The following NLRP8 variants were observed in gnomAD, a reference collection of about 807,000 sequenced individuals.
NLRP8 encodes the protein NACHT, LRR and PYD domains-containing protein 8.
NLRP8 carries 86 observed loss-of-function variants against 88.7 expected under a neutral mutation model. That is an observed-to-expected ratio of 0.97 (90% confidence interval 0.81 to 1.16). The LOEUF (loss-of-function observed/expected upper bound fraction) is 1.16. Ranked by LOEUF, NLRP8 falls within the 50% of genes most tolerant of loss-of-function variation. NLRP8 has a pLI of 0.00. For synonymous variants in NLRP8, 504 were observed against 494.6 expected, an observed-to-expected ratio of 1.02 and a Z score of -0.25; for missense variants, 1,342 against 1,286.5, an observed-to-expected ratio of 1.04 and a Z score of -0.66.
Position 55,973,682 on chromosome 19 carries a change from T to C in NLRP8, c.2565T>C (p.Thr855=), listed in dbSNP as rs1362853049. ...AGAACTGCAACCTTACACAGCTTAC[T>C]TGTGAAAGCCTTGCCTCCTGTCTCA... The change falls in exon 7 of 10, where the codon ACT becomes ACC. Residue 855 remains threonine (T), a synonymous_variant. Coordinates refer to ENST00000291971, the MANE Select transcript of NLRP8 (RefSeq NM_176811.2). 2 of 1,613,692 alleles carry C rather than the reference T, an allele frequency of 1.2e-6. No individual in the cohort carries two copies. Among genetic ancestry groups the C allele is most frequent in the South Asian group, 1.1e-5 (1 of 90,962 alleles).
intron 5 of NLRP8, 69 bp from the exon 6 acceptor site, chr19:55,970,475 A>C (rs1453892579): frequency 1.9e-6 from 3 of 1,540,394 alleles, no homozygotes; most frequent in Middle Eastern, 3.5e-4. Context: ...AGACAGTGGA[A>C]TCCAGGAGGT....
chr19:55,966,689 G>A (rs1358393489), intron 5 of NLRP8, among the ~76,000 whole-genome samples: 2 of 152,012 alleles, frequency 1.3e-5, no homozygotes, highest in African/African-American at 2.4e-5. Flanking sequence ...TGTAATTACG[G>A]GCTGTAATCT....
At chr19:55,952,674 C>G in intron 2 of NLRP8, 62 bp downstream of exon 2, 1 of 1,364,608 alleles carries the variant, frequency 7.3e-7, no homozygotes, top group Non-Finnish European at 1.0e-6. Context: ...GGATGAGCTG[C>G]TCAGTTGCTA....
At chr19:55,976,109 T>C (rs1439272477) in intron 7 of NLRP8, 24 bp from the exon 8 acceptor site, 1 of 1,564,272 alleles carries the variant, frequency 6.4e-7, no homozygotes, top group Non-Finnish European at 8.6e-7. Flanking sequence ...GTTGTTGTTG[T>C]TTTTAACCTG....
At chr19:55,971,664 C>G (rs1438601289) in intron 6 of NLRP8, among the ~76,000 whole-genome samples, 1 of 125,132 alleles carries the variant, frequency 8.0e-6, no homozygotes. Flanking sequence ...CACACACACA[C>G]ACGCACACAC....
At chr19:55,966,867 T>G (rs1480092015) in intron 5 of NLRP8, among the ~76,000 whole-genome samples, 2 of 152,158 alleles carry the variant, frequency 1.3e-5, no homozygotes, top group African/African-American at 4.8e-5. Context: ...ATCCGTCTGA[T>G]ACCAGGAAAT....
At position 55,954,712 on chromosome 19, in the gene NLRP8, C is replaced by G; in HGVS notation, c.654C>G (p.Ile218Met). Reference sequence around the variant, plus strand: ...GAGCTCCTGGGATCGGAAAAACAATCCTGGCCAAAAAGGTGATGTTTGAGT... The same window carrying G: ...GAGCTCCTGGGATCGGAAAAACAATGCTGGCCAAAAAGGTGATGTTTGAGT... Residue 218 changes from isoleucine (I) to methionine (M), a missense_variant, in exon 3 of 10, where the codon ATC (isoleucine) becomes ATG (methionine). Physicochemically the swap from Ile to Met is conservative, Grantham distance 10 (BLOSUM62 1). Coordinates refer to ENST00000291971, the MANE Select transcript of NLRP8 (RefSeq NM_176811.2). 1 of 1,614,102 alleles carries G rather than the reference C, an allele frequency of 6.2e-7. No homozygotes were observed. Among genetic ancestry groups the G allele is most frequent in the African/African-American group, 1.3e-5 (1 of 75,020 alleles).
chr19:55,954,602 GTA>G lies in NLRP8; in HGVS notation c.545_546del (p.Val182AlafsTer19). 3 of 1,614,202 alleles carry G rather than the reference GTA, an allele frequency of 1.9e-6. No homozygotes were observed. Among genetic ancestry groups the G allele is most frequent in the Non-Finnish European group, 2.5e-6 (3 of 1,180,038 alleles). ...CCAGAGGGACTTCTTCTACCAAGGT[GTA>G]CACAGGCACGAGGAGTACTTACCAT... is the stretch of plus-strand genomic sequence containing the variant. On this transcript the variant is annotated frameshift_variant, in exon 3 of 10. Transcript: ENST00000291971. LOFTEE classifies it high-confidence loss of function.
intron 4 of NLRP8, among the ~76,000 whole-genome samples, chr19:55,963,035 A>T (rs1012441078): frequency 1.3e-5 from 2 of 151,926 alleles, no homozygotes; most frequent in African/African-American, 4.8e-5. Flanking sequence ...CTTTTTTAAA[A>T]CAGAGTCTCA....
chr19:55,963,393 C>G (rs1237545810), intron 4 of NLRP8, among the ~76,000 whole-genome samples: 2 of 152,206 alleles, frequency 1.3e-5, no homozygotes. Flanking sequence ...TTAGGTAAAT[C>G]ACTCCAAGGC....
chr19:55,958,797 C>T (rs996950705), intron 3 of NLRP8, among the ~76,000 whole-genome samples: 1 of 152,166 alleles, frequency 6.6e-6, no homozygotes, highest in Admixed American at 6.6e-5. Flanking sequence ...GAAATGCTCT[C>T]GCCTCTGCCT....
intron 3 of NLRP8, among the ~76,000 whole-genome samples, chr19:55,959,298 G>A (rs987726832): frequency 2.0e-5 from 3 of 148,760 alleles, no homozygotes; most frequent in Non-Finnish European, 3.0e-5. Context: ...TGCAAGCTCC[G>A]CCTCCCTGGT....
At chr19:55,980,618 G>T (rs1330141653) in intron 9 of NLRP8, among the ~76,000 whole-genome samples, 1 of 152,174 alleles carries the variant, frequency 6.6e-6, no homozygotes, top group Non-Finnish European at 1.5e-5. Flanking sequence ...CCAGGGAGTT[G>T]CTCATGACAT....
intron 4 of NLRP8, among the ~76,000 whole-genome samples, chr19:55,964,150 G>A (rs1979735064): frequency 1.3e-5 from 2 of 152,250 alleles, no homozygotes; most frequent in East Asian, 1.9e-4. Flanking sequence ...AAGCCACCAG[G>A]CATCACATGG....
chr19:55,974,785 G>A (rs1212020471), intron 7 of NLRP8, among the ~76,000 whole-genome samples: 1 of 151,054 alleles, frequency 6.6e-6, no homozygotes, highest in East Asian at 1.9e-4. Context: ...ACTGGGGCTC[G>A]TGGCATGAAT....
chr19:55,966,524 C>T (rs1210633804), intron 5 of NLRP8, 144 bp downstream of exon 5: 27 of 801,694 alleles, frequency 3.4e-5, no homozygotes, highest in East Asian at 1.4e-4. Context: ...CAATTTGGGC[C>T]GGGCGCGGTG....
rs1979717776 is a variant in NLRP8 at position 55,963,786 on chromosome 19, C to T, written c.2213+1549C>T. ...CCCAGGCTGGCTTTGAACTGCTGAT[C>T]TTAAGTGATCCACCTGTCTCAGCCT... On this transcript the variant is annotated intron_variant, in intron 4 of 9. Coordinates refer to ENST00000291971, the MANE Select transcript of NLRP8 (RefSeq NM_176811.2). 3.3e-5 allele frequency among the ~76,000 whole-genome samples: 5 copies of T among 152,210 alleles called. No individual in the cohort carries two copies. The South Asian group carries it at 1.0e-3, about 32-fold the overall frequency.
At chr19:55,979,361 C>T in intron 8 of NLRP8, 33 bp from the exon 9 acceptor site, 1 of 1,611,282 alleles carries the variant, frequency 6.2e-7, no homozygotes. Flanking sequence ...GTGATGACTT[C>T]TCTGCTGTCT....
chr19:55,986,232 C>T (rs949090962), intron 9 of NLRP8, among the ~76,000 whole-genome samples: 11 of 151,790 alleles, frequency 7.2e-5, no homozygotes, highest in Non-Finnish European at 1.2e-4. Context: ...TTAAAAAATG[C>T]CAAGTGCAAC....
Sources: allele counts gnomAD v4.1 joint callset (sites outside exome capture counted in the v4.1 genomes callset), GRCh38; gene constraint gnomAD v4.1.1; transcripts MANE v1.5; gene names NCBI Gene and HGNC (gene_info 2026-07-23, HGNC 2026-07-21).